The following CSMD1 variants were observed in gnomAD, a reference collection of about 807,000 sequenced individuals.
CSMD1 encodes the protein CUB and Sushi multiple domains 1, also known as CUB and sushi domain-containing protein 1.
In CSMD1, 213 loss-of-function variants were observed where a neutral mutation model predicts 417.5. That is an observed-to-expected ratio of 0.51 (90% CI 0.46 to 0.57). The LOEUF (loss-of-function observed/expected upper bound fraction) is 0.57. Ranked by LOEUF, CSMD1 falls within the 20% of genes least tolerant of loss-of-function variation. The pLI is 0.00. For missense variants in CSMD1, 6,923 were observed against 4,529.7 expected (o/e 1.53, Z -15.17); for synonymous variants, 2,862 against 1,736.8 (o/e 1.65, Z -16.11).
chr8:3,936,472 G>C (rs1321653068), intron 5 of CSMD1, among the ~76,000 whole-genome samples: 1 of 152,154 alleles, frequency 6.6e-6, no homozygotes, highest in Non-Finnish European at 1.5e-5. Flanking sequence ...TTAAGTTGAA[G>C]CCAGTGCTCA....
chr8:4,235,216 G>C (rs1306103806), intron 3 of CSMD1, among the ~76,000 whole-genome samples: 2 of 151,722 alleles, frequency 1.3e-5, no homozygotes, highest in African/African-American at 2.4e-5. Context: ...ATGGACCAAG[G>C]GTGCAAAAAA....
intron 7 of CSMD1, among the ~76,000 whole-genome samples, chr8:3,624,316 T>C (rs1007573371): frequency 6.6e-6 from 1 of 152,208 alleles, no homozygotes; most frequent in African/African-American, 2.4e-5. Context: ...ATGGAGAATA[T>C]AATCCACCTT....
intron 7 of CSMD1, among the ~76,000 whole-genome samples, chr8:3,659,896 G>GA (rs1460129117): frequency 1.3e-5 from 2 of 152,144 alleles, no homozygotes; most frequent in African/African-American, 4.8e-5. Context: ...AAACTATGAA[G>GA]ATGAAATTTC....
At chr8:4,452,414 C>T (rs1029749424) in intron 2 of CSMD1, among the ~76,000 whole-genome samples, 6 of 152,186 alleles carry the variant, frequency 3.9e-5, no homozygotes, top group Non-Finnish European at 5.9e-5. Flanking sequence ...GGTTCATGTT[C>T]TTACACGGTG....
intron 12 of CSMD1, among the ~76,000 whole-genome samples, chr8:3,422,136 T>C (rs1813530422): frequency 6.6e-6 from 1 of 152,138 alleles, no homozygotes; most frequent in African/African-American, 2.4e-5. Context: ...AAGGTCACTC[T>C]ACTCTGCACC....
At chr8:3,737,916 T>C (rs2623704) in intron 6 of CSMD1, among the ~76,000 whole-genome samples, 122,506 of 152,168 alleles carry the variant, frequency 0.81, 50,605 homozygotes, top group East Asian at 0.99. Context: ...CTTGCTTGTG[T>C]TCTAAAGGTA....
At chr8:3,658,064 C>T (rs1371733653) in intron 7 of CSMD1, among the ~76,000 whole-genome samples, 1 of 152,104 alleles carries the variant, frequency 6.6e-6, no homozygotes, top group East Asian at 1.9e-4. Flanking sequence ...AGCGTCAGCC[C>T]AGAGGCATTC....
intron 3 of CSMD1, among the ~76,000 whole-genome samples, chr8:4,298,907 T>C (rs139957800): frequency 2.0e-5 from 3 of 152,084 alleles, no homozygotes; most frequent in Non-Finnish European, 4.4e-5. Context: ...ATCATATATA[T>C]GTATATATAC....
chr8:4,590,288 C>T (rs1157026130), intron 2 of CSMD1, among the ~76,000 whole-genome samples: 1 of 151,862 alleles, frequency 6.6e-6, no homozygotes, highest in Non-Finnish European at 1.5e-5. Context: ...CAGAAAAGTT[C>T]TGGGAAGCAG....
chr8:3,729,934 A>C (rs1802730589), intron 6 of CSMD1, among the ~76,000 whole-genome samples: 9 of 24,086 alleles, frequency 3.7e-4, no homozygotes, highest in Non-Finnish European at 1.4e-3. Context: ...AAAAAAAAAA[A>C]AAAAAAAAAA....
intron 3 of CSMD1, among the ~76,000 whole-genome samples, chr8:4,360,344 T>C (rs1472799347): frequency 6.6e-6 from 1 of 152,214 alleles, no homozygotes; most frequent in African/African-American, 2.4e-5. Context: ...TCTTATCTGT[T>C]GCATGATTAA....
At chr8:4,418,253 T>G (rs1797054480) in intron 3 of CSMD1, among the ~76,000 whole-genome samples, 1 of 152,128 alleles carries the variant, frequency 6.6e-6, no homozygotes, top group African/African-American at 2.4e-5. Context: ...TAAATCCAAG[T>G]TACTCAACTT....
chr8:4,680,897 G>A (rs1805998154), intron 1 of CSMD1, among the ~76,000 whole-genome samples: 1 of 150,842 alleles, frequency 6.6e-6, no homozygotes, highest in African/African-American at 2.5e-5. Flanking sequence ...AGTTTTCAAT[G>A]TGATATGATA....
intron 2 of CSMD1, among the ~76,000 whole-genome samples, chr8:4,422,118 C>G (rs1204578614): frequency 2.0e-5 from 3 of 152,036 alleles, no homozygotes; most frequent in African/African-American, 7.2e-5. Context: ...TATGAATTAT[C>G]CTATAGCTAT....
rs1563319147 is a variant in CSMD1, at chr8:4,761,881, AT to A, written c.86-124324del. Reference sequence around the variant, plus strand: ...TATCTATCTATCTATCTATCTATCTATCTATCTACCTACCTATCTATCTATC... The same window carrying A: ...TATCTATCTATCTATCTATCTATCTACTATCTACCTACCTATCTATCTATC... On this transcript the variant is annotated intron_variant, in intron 1 of 69. Transcript: ENST00000635120. Among the ~76,000 whole-genome samples the A allele has an allele frequency of 7.0e-3, 622 of 89,490 alleles. 1 individual carries two copies. The highest frequency in any genetic ancestry group is 0.013 in the East Asian group (33 of 2,516). The allele number at this position is 89,490 out of a possible 152,430, so 58.7% of individuals were successfully genotyped here.
intron 12 of CSMD1, among the ~76,000 whole-genome samples, chr8:3,464,230 G>C (rs1037075224): frequency 2.0e-4 from 30 of 152,174 alleles, no homozygotes; most frequent in Non-Finnish European, 4.4e-4. Context: ...AACCAAAAAT[G>C]CTTCAGAGTC....
chr8:3,605,927 G>A (rs938545448), intron 8 of CSMD1, among the ~76,000 whole-genome samples: 24 of 152,230 alleles, frequency 1.6e-4, no homozygotes, highest in African/African-American at 5.1e-4. Flanking sequence ...CCTAGAGACT[G>A]GCTTGTTAGC....
intron 37 of CSMD1, among the ~76,000 whole-genome samples, chr8:3,174,328 T>C (rs1820775222): frequency 1.3e-5 from 2 of 152,142 alleles, no homozygotes; most frequent in African/African-American, 4.8e-5. Flanking sequence ...AGCCTGTATC[T>C]ATTAAGAATA....
intron 5 of CSMD1, among the ~76,000 whole-genome samples, chr8:3,767,761 T>A (rs1241519063): frequency 6.6e-6 from 1 of 152,176 alleles, no homozygotes; most frequent in Non-Finnish European, 1.5e-5. Context: ...AAAACATTAA[T>A]GACACTCAGA....
Sources: gnomAD v4.1 joint callset for allele counts (sites outside exome capture counted in the v4.1 genomes callset) on GRCh38, gnomAD v4.1.1 for gene constraint, MANE v1.5 for transcripts, NCBI Gene and HGNC (gene_info 2026-07-23, HGNC 2026-07-21) for gene names.